DSCAM: variants seen among roughly 807,000 people sequenced by gnomAD.
DSCAM encodes the protein DS cell adhesion molecule, also known as cell adhesion molecule DSCAM.
DSCAM carries 47 observed loss-of-function variants against 217.7 expected under a neutral mutation model. That is an observed-to-expected ratio of 0.22 (90% CI 0.17 to 0.28). DSCAM has a LOEUF of 0.28. Among genes scored for constraint, DSCAM ranks in the 10% least tolerant of loss-of-function variants. The pLI, the probability that DSCAM is intolerant of heterozygous loss-of-function variation, is 1.00. For synonymous variants in DSCAM, 1,056 were observed against 1,015.3 expected (o/e 1.04, Z -0.76); for missense variants, 2,080 against 2,618.3 (o/e 0.79, Z 4.49).
intron 2 of DSCAM, among the ~76,000 whole-genome samples, chr21:40,704,085 A>C (rs2090686055): frequency 6.6e-6 from 1 of 152,034 alleles, no homozygotes. Flanking sequence ...GTTTCACTCT[A>C]TGTTGTAAGT....
chr21:40,290,539 T>C (rs900140596), intron 10 of DSCAM, among the ~76,000 whole-genome samples: 13 of 152,168 alleles, frequency 8.5e-5, no homozygotes, highest in African/African-American at 3.1e-4. Flanking sequence ...AAGAATCTCT[T>C]GAACCCGGGA....
intron 3 of DSCAM, among the ~76,000 whole-genome samples, chr21:40,530,711 C>T (rs564030140): frequency 1.3e-5 from 2 of 152,116 alleles, no homozygotes; most frequent in African/African-American, 2.4e-5. Flanking sequence ...TTTCTCCACC[C>T]TAAACCCACA....
chr21:40,147,417 T>C (rs948667236), intron 16 of DSCAM, among the ~76,000 whole-genome samples: 2 of 152,214 alleles, frequency 1.3e-5, no homozygotes, highest in African/African-American at 4.8e-5. Context: ...TTAACTATAA[T>C]AGACAACGCA....
intron 1 of DSCAM, among the ~76,000 whole-genome samples, chr21:40,818,665 A>C (rs1357510806): frequency 1.3e-5 from 2 of 151,582 alleles, no homozygotes; most frequent in Admixed American, 6.6e-5. Flanking sequence ...TTTAGAAATC[A>C]ATCTTCAGCT....
chr21:40,415,866 A>G (rs1853445117), intron 3 of DSCAM, among the ~76,000 whole-genome samples: 1 of 152,078 alleles, frequency 6.6e-6, no homozygotes, highest in Non-Finnish European at 1.5e-5. Flanking sequence ...CGGCACCATC[A>G]TGTCATGCAT....
At chr21:40,496,683 T>C (rs1018855984) in intron 3 of DSCAM, among the ~76,000 whole-genome samples, 1 of 152,014 alleles carries the variant, frequency 6.6e-6, no homozygotes, top group African/African-American at 2.4e-5. Flanking sequence ...TGCACAGCAA[T>C]GAAGACAATC....
rs539899071 is a variant in DSCAM, at chr21:40,312,268, G to A, written c.1875C>T (p.Pro625=). Residue 625 remains proline, a synonymous_variant, in exon 9 of 33, where the codon CCC becomes CCT. Transcript: ENST00000400454. ...IPCVVVSGDL[P]ITITWQKDGR... is the part of the protein sequence containing the mutation. ...CATCCTTCTGCCAGGTGATCGTGAT[G>A]GGTAAGTCCCCTGAGACCACAACAC... The A allele has an allele frequency of 6.8e-5, 109 of 1,614,090 alleles. No individual in the cohort carries two copies. In the South Asian group the frequency reaches 1.1e-3, roughly 17 times the overall value.
chr21:40,552,389 G>A (rs985934104), intron 3 of DSCAM, among the ~76,000 whole-genome samples: 1 of 152,198 alleles, frequency 6.6e-6, no homozygotes, highest in African/African-American at 2.4e-5. Flanking sequence ...CACAGAGGGA[G>A]TTAAGAAGAG....
chr21:40,312,768 T>C (rs1306914925), intron 8 of DSCAM, among the ~76,000 whole-genome samples: 2 of 152,206 alleles, frequency 1.3e-5, no homozygotes, highest in African/African-American at 4.8e-5. Context: ...CCCCTTCTAA[T>C]TGTTTCCTGC....
intron 18 of DSCAM, among the ~76,000 whole-genome samples, chr21:40,138,867 A>G (rs2090250336): frequency 9.3e-6 from 1 of 107,134 alleles, no homozygotes; most frequent in African/African-American, 3.7e-5. Flanking sequence ...GTGTGTGTGC[A>G]TGTATATGTG....
At chr21:40,333,854 C>G (rs960721234) in intron 8 of DSCAM, among the ~76,000 whole-genome samples, 1 of 152,124 alleles carries the variant, frequency 6.6e-6, no homozygotes, top group African/African-American at 2.4e-5. Flanking sequence ...CACACCTAGG[C>G]CTCCCAAGTA....
At chr21:40,326,391 T>TC (rs2074317403) in intron 8 of DSCAM, among the ~76,000 whole-genome samples, 1 of 152,206 alleles carries the variant, frequency 6.6e-6, no homozygotes, top group Non-Finnish European at 1.5e-5. Context: ...AGGGCTATGT[T>TC]TCATTGAGAC....
chr21:40,414,338 C>T lies in DSCAM; in HGVS notation c.509-45093G>A, dbSNP rs1176048477. Among the ~76,000 whole-genome samples, 28 of 152,096 alleles carry T rather than the reference C, an allele frequency of 1.8e-4. 1 individual carries two copies. Among genetic ancestry groups the T allele is most frequent in the Non-Finnish European group, 4.4e-5 (3 of 68,008 alleles). ...AATGTGCAAAATATTTGAACAGATA[C>T]TTAGTGAAAGGAGATATATGAACAG... On this transcript the variant is annotated intron_variant, in intron 3 of 32. Coordinates refer to ENST00000400454, the MANE Select transcript of DSCAM (RefSeq NM_001389.5).
At chr21:40,693,559 G>A (rs561104818) in intron 2 of DSCAM, among the ~76,000 whole-genome samples, 1 of 152,202 alleles carries the variant, frequency 6.6e-6, no homozygotes, top group Non-Finnish European at 1.5e-5. Flanking sequence ...ATGGCAAACT[G>A]CTATTAGTCC....
Position 40,187,877 on chromosome 21 carries a change from T to G in DSCAM, c.2650+14A>C, listed in dbSNP as rs190516818. On this transcript the variant is annotated intron_variant, in intron 13 of 32. Coordinates refer to ENST00000400454, the MANE Select transcript of DSCAM (RefSeq NM_001389.5). ...AATGACTGTGTTTATTCTCTTACGC[T>G]ATCGTCTTCCTACCTTGCACTGTGA... The G allele has an allele frequency of 6.2e-7, 1 of 1,601,986 alleles. No homozygotes were observed. Among genetic ancestry groups the G allele is most frequent in the East Asian group, 2.2e-5 (1 of 44,816 alleles).
chr21:40,762,825 C>A (rs974595566), intron 1 of DSCAM, among the ~76,000 whole-genome samples: 1 of 151,896 alleles, frequency 6.6e-6, no homozygotes, highest in Non-Finnish European at 1.5e-5. Flanking sequence ...AATCAATAAA[C>A]AGAACCAATG....
intron 4 of DSCAM, among the ~76,000 whole-genome samples, chr21:40,357,164 G>C (rs961312345): frequency 6.6e-6 from 1 of 152,142 alleles, no homozygotes; most frequent in African/African-American, 2.4e-5. Flanking sequence ...AGATATAAAA[G>C]TTTCACAATA....
At chr21:40,056,695 A>C (rs2089030720) in intron 28 of DSCAM, among the ~76,000 whole-genome samples, 2 of 152,238 alleles carry the variant, frequency 1.3e-5, no homozygotes, top group Admixed American at 6.5e-5. Context: ...ATCCTCTAAG[A>C]AGCAGCAGTC....
intron 3 of DSCAM, among the ~76,000 whole-genome samples, chr21:40,541,208 A>C (rs1449102137): frequency 1.3e-5 from 2 of 152,142 alleles, no homozygotes. Context: ...AATTTTCAAT[A>C]AAAAAGCATT....
Sources: allele counts gnomAD v4.1 joint callset (sites outside exome capture counted in the v4.1 genomes callset), GRCh38; gene constraint gnomAD v4.1.1; transcripts MANE v1.5; gene names NCBI Gene and HGNC (gene_info 2026-07-23, HGNC 2026-07-21).